SLC2A9: variants seen among roughly 807,000 people sequenced by gnomAD.
The protein encoded by SLC2A9 is solute carrier family 2 member 9.
Under a neutral mutation model 50.6 loss-of-function variants are expected in SLC2A9, and 39 were observed. That is an observed-to-expected ratio of 0.77 (90% confidence interval 0.60 to 1.01). The LOEUF (loss-of-function observed/expected upper bound fraction) is 1.01. Ranked by LOEUF, SLC2A9 falls within the 50% of genes least tolerant of loss-of-function variation. The probability of loss-of-function intolerance (pLI) is 0.00; values close to 1 mark genes in which losing one functional copy is unlikely to be tolerated. For synonymous variants in SLC2A9, 324 were observed against 276.9 expected, an observed-to-expected ratio of 1.17 and a Z score of -1.69; for missense variants, 686 against 677.6, an observed-to-expected ratio of 1.01 and a Z score of -0.14.
chr4:9,812,466 A>G (rs765805017), intron 3 of SLC2A9, among the ~76,000 whole-genome samples: 1 of 152,162 alleles, frequency 6.6e-6, no homozygotes, highest in East Asian at 1.9e-4. Context: ...TATGTGTGAA[A>G]ATACTTAACA....
chr4:10,021,959 C>T (rs374241485), upstream of SLC2A9, among the ~76,000 whole-genome samples: 2 of 152,106 alleles, frequency 1.3e-5, no homozygotes, highest in East Asian at 3.9e-4. Context: ...CTGCCTCAGC[C>T]TCCCAAGTAG....
At chr4:9,873,724 G>T (rs1392805889) in intron 10 of SLC2A9, among the ~76,000 whole-genome samples, 1 of 152,198 alleles carries the variant, frequency 6.6e-6, no homozygotes, top group Non-Finnish European at 1.5e-5. Context: ...ATCTAGCTGA[G>T]ATCAAAGAAG....
intron 10 of SLC2A9, among the ~76,000 whole-genome samples, chr4:9,860,479 G>A (rs568105833): frequency 2.0e-5 from 3 of 152,330 alleles, no homozygotes; most frequent in East Asian, 1.9e-4. Context: ...ATGAATTAAC[G>A]ACTGACCCAG....
downstream of SLC2A9, among the ~76,000 whole-genome samples, chr4:9,795,889 C>T (rs1457887182): frequency 6.6e-6 from 1 of 152,206 alleles, no homozygotes; most frequent in Non-Finnish European, 1.5e-5. Flanking sequence ...TGGGCATTGA[C>T]TGGGTGCTTG....
intron 10 of SLC2A9, among the ~76,000 whole-genome samples, chr4:9,856,937 C>A (rs536955428): frequency 4.3e-4 from 66 of 152,042 alleles, no homozygotes; most frequent in Non-Finnish European, 8.2e-4. Context: ...CACAAGGGAA[C>A]AATGACACTG....
chr4:10,038,728 G>A (rs1168842092), intron 1 of SLC2A9, among the ~76,000 whole-genome samples: 1 of 152,132 alleles, frequency 6.6e-6, no homozygotes, highest in African/African-American at 2.4e-5. Flanking sequence ...GCAATGACAT[G>A]GAGCATGTCT....
rs911217940 is a variant in SLC2A9, at chr4:9,835,087, C to T, written c.1292-79G>A. ...CCAGCATCCATCTCCATCTGCCACA[C>T]TTTAGAACCCCCCCACCCCTGCCCC... On this transcript the variant is annotated intron_variant, in intron 10 of 11. Coordinates refer to ENST00000264784, the MANE Select transcript of SLC2A9 (RefSeq NM_020041.3). 7 of 1,601,980 alleles carry T rather than the reference C, an allele frequency of 4.4e-6. No homozygotes were observed. The African/African-American group carries it at 6.7e-5, about 15-fold the overall frequency.
intron 5 of SLC2A9, among the ~76,000 whole-genome samples, chr4:9,959,120 T>C (rs768877077): frequency 3.9e-4 from 59 of 151,480 alleles, no homozygotes; most frequent in Non-Finnish European, 7.8e-4. Flanking sequence ...CTAAGGCAGG[T>C]GGATCACTTG....
intron 6 of SLC2A9, among the ~76,000 whole-genome samples, chr4:9,926,431 A>C (rs558648456): frequency 6.7e-6 from 1 of 150,102 alleles, no homozygotes; most frequent in East Asian, 2.0e-4. Context: ...TAATGTTTCC[A>C]TGCCTGAGTT....
chr4:9,936,740 A>G (rs1747153164), intron 6 of SLC2A9, among the ~76,000 whole-genome samples: 1 of 152,124 alleles, frequency 6.6e-6, no homozygotes, highest in Admixed American at 6.6e-5. Context: ...ATGAGCAGAG[A>G]TGACAGGGAG....
In SLC2A9 at chr4:9,887,570, G is replaced by C. The variant is rs868359279; in HGVS notation, c.1288C>G (p.Pro430Ala). The change falls in exon 10 of 12, where the codon CCA becomes GCA. Residue 430 changes from proline to alanine, a missense_variant. Physicochemically the swap from Pro to Ala is conservative, Grantham distance 27 (BLOSUM62 -1). Coordinates refer to ENST00000264784, the MANE Select transcript of SLC2A9 (RefSeq NM_020041.3). ...LAIIASFCSGPGGIPFILTGE... is the reference protein window; with the variant it reads ...LAIIASFCSGAGGIPFILTGE... ...TGGGGAGGGTGGGGTGCCTTACCTG[G>C]CCCACTGCAGAAAGAGGCGATGATG... 1.3e-6 allele frequency: 2 copies of C among 1,562,528 alleles called. No homozygotes were observed. The highest frequency in any genetic ancestry group is 3.7e-5 in the Admixed American group (2 of 53,758).
intron 7 of SLC2A9, among the ~76,000 whole-genome samples, chr4:9,917,148 G>A (rs777006350): frequency 4.6e-5 from 7 of 152,024 alleles, no homozygotes; most frequent in Admixed American, 3.9e-4. Context: ...CAAACTGCTC[G>A]AAAGGAAGGC....
intron 3 of SLC2A9, among the ~76,000 whole-genome samples, chr4:9,789,391 A>T (rs540859114): frequency 2.6e-5 from 4 of 152,368 alleles, no homozygotes; most frequent in South Asian, 2.1e-4. Flanking sequence ...CTGAGAGTAC[A>T]GGGCAGAACC....
rs2109979959 is a variant in SLC2A9 at position 9,908,291 on chromosome 4, T to A, written c.1057A>T (p.Ile353Phe). ...CCTGTACTCAAGGTGACGTATGGGATCTTTGCCGGAGGGATCCCAGCTTTT... is the reference window on the plus strand; with the variant it reads ...CCTGTACTCAAGGTGACGTATGGGAACTTTGCCGGAGGGATCCCAGCTTTT... ...FGKAGIPPAKIPYVTLSTGGI... is the reference protein window; with the variant it reads ...FGKAGIPPAKFPYVTLSTGGI... The change falls in exon 8 of 12, where the codon ATC (isoleucine) becomes TTC (phenylalanine). Residue 353 changes from isoleucine to phenylalanine, a missense_variant. Ile to Phe is a conservative substitution (Grantham distance 21). Transcript: ENST00000264784. 3 of 1,614,124 alleles carry A rather than the reference T, an allele frequency of 1.9e-6. No homozygotes were observed. The highest frequency in any genetic ancestry group is 2.5e-6 in the Non-Finnish European group (3 of 1,180,004).
intron 10 of SLC2A9, among the ~76,000 whole-genome samples, chr4:9,842,064 C>T (rs1728166187): frequency 6.6e-6 from 1 of 151,988 alleles, no homozygotes; most frequent in South Asian, 2.1e-4. Context: ...TGATATATTT[C>T]CTTGTTTGGT....
chr4:9,913,906 C>G (rs1742369156), intron 7 of SLC2A9, among the ~76,000 whole-genome samples: 1 of 152,212 alleles, frequency 6.6e-6, no homozygotes, highest in African/African-American at 2.4e-5. Flanking sequence ...TCTCTGTCTC[C>G]CCCTCTCTAA....
At chr4:9,823,565 T>C (rs968782265), downstream of SLC2A9, among the ~76,000 whole-genome samples, 3 of 152,150 alleles carry the variant, frequency 2.0e-5, no homozygotes, top group African/African-American at 7.2e-5. Context: ...AAGAAAAAAG[T>C]TCTGTACTGA....
downstream of SLC2A9, among the ~76,000 whole-genome samples, chr4:9,776,347 G>A (rs57136958): frequency 0.033 from 5,028 of 151,960 alleles, 150 homozygotes; most frequent in Non-Finnish European, 0.048. Context: ...GGTGCTGTGC[G>A]ATCATCCTTC....
chr4:9,911,501 G>A (rs1014341770), intron 7 of SLC2A9, among the ~76,000 whole-genome samples: 14 of 152,226 alleles, frequency 9.2e-5, no homozygotes, highest in South Asian at 4.2e-4. Flanking sequence ...CCGGAGCCCC[G>A]CCAGCCCCCA....
Sources: allele counts gnomAD v4.1 joint callset (sites outside exome capture counted in the v4.1 genomes callset), GRCh38; gene constraint gnomAD v4.1.1; transcripts MANE v1.5; gene names NCBI Gene and HGNC (gene_info 2026-07-23, HGNC 2026-07-21).